SYT7: variants seen among roughly 807,000 people sequenced by gnomAD.
The protein encoded by SYT7 is synaptotagmin-7.
A neutral mutation model predicts 75.1 loss-of-function variants in SYT7; 29 were observed. That is an observed-to-expected ratio of 0.39 (90% CI 0.29 to 0.53). The LOEUF is 0.53. SYT7 is among the 20% of genes least tolerant of loss of function. The pLI is 0.77. For missense variants in SYT7, 693 were observed against 953.2 expected, an observed-to-expected ratio of 0.73 and a Z score of 3.59; for synonymous variants, 376 against 401.7, an observed-to-expected ratio of 0.94 and a Z score of 0.76.
intron 1 of SYT7, among the ~76,000 whole-genome samples, chr11:61,568,440 G>A (rs1055911961): frequency 3.3e-5 from 5 of 152,196 alleles, no homozygotes; most frequent in African/African-American, 1.2e-4. Flanking sequence ...TGTATGCCAA[G>A]CACTGTGCTA....
At chr11:61,547,804 C>T (rs139887071) in intron 3 of SYT7, among the ~76,000 whole-genome samples, 12 of 152,294 alleles carry the variant, frequency 7.9e-5, no homozygotes, top group African/African-American at 2.4e-4. Context: ...CTCAGTTTCC[C>T]TGCCTGTCAA....
chr11:61,575,748 C>T (rs904154308), intron 1 of SYT7, among the ~76,000 whole-genome samples: 1 of 152,194 alleles, frequency 6.6e-6, no homozygotes, highest in Non-Finnish European at 1.5e-5. Context: ...CGCACCTCAA[C>T]GCGCCTCGCT....
In SYT7 at chr11:61,538,124, G is replaced by A; in HGVS notation, c.1064+20C>T. 1.5e-5 allele frequency: 23 copies of A among 1,535,700 alleles called. No individual in the cohort carries two copies. Among genetic ancestry groups the A allele is most frequent in the Non-Finnish European group, 1.9e-5 (22 of 1,146,618 alleles). On this transcript the variant is annotated intron_variant, in intron 7 of 12. Transcript: ENST00000539008. ...TCCTTCTCTGCCGCCGCCGCCGCAG[G>A]CCCTCGCCTGTGCTCGTACCTCTTG...
intron 1 of SYT7, among the ~76,000 whole-genome samples, chr11:61,571,576 G>A (rs2063921578): frequency 2.0e-5 from 3 of 152,156 alleles, no homozygotes; most frequent in Admixed American, 1.3e-4. Flanking sequence ...GTCACATCCC[G>A]CACCTGCCGG....
chr11:61,549,626 C>G (rs184192605), intron 3 of SYT7, among the ~76,000 whole-genome samples: 1 of 152,228 alleles, frequency 6.6e-6, no homozygotes, highest in East Asian at 1.9e-4. Context: ...TTTCTGTTCT[C>G]TGGAAAGAAG....
In SYT7 at chr11:61,523,046, G is replaced by A. The variant is rs935421862; in HGVS notation, c.1956+29C>T. 3.1e-6 allele frequency: 5 copies of A among 1,611,188 alleles called. No homozygotes were observed. Among genetic ancestry groups the A allele is most frequent in the Middle Eastern group, 1.8e-4 (1 of 5,610 alleles). The stretch of plus-strand genomic sequence containing the variant: ...AACGGAGCCTCACTGGTGCCAGCAG[G>A]TGCACCACACCACCTGCCTCGCCCC... On this transcript the variant is annotated intron_variant, in intron 12 of 12. Coordinates refer to ENST00000539008, the MANE Select transcript of SYT7 (RefSeq NM_001365809.2). This position sits in a 1 kb window ranked among gnomAD's most constrained non-coding sequence, Gnocchi z 5.0.
At chr11:61,566,627 A>C (rs1471032837) in intron 1 of SYT7, among the ~76,000 whole-genome samples, 3 of 152,192 alleles carry the variant, frequency 2.0e-5, no homozygotes, top group Admixed American at 1.3e-4. Flanking sequence ...AGCCCAAGAA[A>C]GGAGGGGCTC....
intron 7 of SYT7, among the ~76,000 whole-genome samples, chr11:61,537,068 C>T (rs2062889696): frequency 6.6e-6 from 1 of 152,258 alleles, no homozygotes; most frequent in Non-Finnish European, 1.5e-5. Flanking sequence ...TTGCCCAAGG[C>T]TGCAGAATGA....
intron 6 of SYT7, chr11:61,540,255 G>A (rs890271912): frequency 6.5e-6 from 1 of 152,956 alleles, no homozygotes; most frequent in Middle Eastern, 3.1e-3. Context: ...GCAAGGGGTG[G>A]GTGGGATCAT....
chr11:61,524,560 G>C lies in SYT7; in HGVS notation c.1472-28C>G, dbSNP rs1299285023. 1.3e-6 allele frequency: 2 copies of C among 1,540,608 alleles called. No homozygotes were observed. On this transcript the variant is annotated intron_variant, in intron 9 of 12. Transcript: ENST00000539008. The surrounding 1 kb of genome is among the most constrained non-coding windows in gnomAD (Gnocchi z 4.1). The stretch of plus-strand genomic sequence containing the variant: ...GGGGGTATAGATGAGTGTGAGTGAA[G>C]AGGGGGACAGAGGGGCTGCACGGGG...
chr11:61,587,390 G>A, the SYT7 span, among the ~76,000 whole-genome samples: 1 of 152,270 alleles, frequency 6.6e-6, no homozygotes, highest in Non-Finnish European at 1.5e-5. Context: ...GCACAGACAG[G>A]CATGCAGGCC....
At chr11:61,582,692 A>G (rs1362896667), upstream of SYT7, among the ~76,000 whole-genome samples, 2 of 152,192 alleles carry the variant, frequency 1.3e-5, no homozygotes, top group Non-Finnish European at 2.9e-5. Flanking sequence ...TAAGGCCACA[A>G]TTCCTCAGTG....
chr11:61,573,963 G>C (rs148718665), intron 1 of SYT7, among the ~76,000 whole-genome samples: 1 of 152,232 alleles, frequency 6.6e-6, no homozygotes. Flanking sequence ...AGGCGCTAAC[G>C]CATGTTATGT....
At chr11:61,533,412 C>A in intron 7 of SYT7, 2 of 985,418 alleles carry the variant, frequency 2.0e-6, no homozygotes, top group Non-Finnish European at 2.4e-6. Flanking sequence ...AAACCCCCCA[C>A]CCTCCAGTCA....
chr11:61,521,482 C>CT (rs2062330472), intron 12 of SYT7, among the ~76,000 whole-genome samples: 1 of 152,190 alleles, frequency 6.6e-6, no homozygotes, highest in Non-Finnish European at 1.5e-5. Flanking sequence ...CATACTTTTT[C>CT]TGGAGTATGA....
rs145169218 is a variant in SYT7 at position 61,516,230 on chromosome 11, T to A, written c.*2397A>T. The A allele has an allele frequency of 0.03, 4,548 of 152,208 alleles. 125 individuals are homozygous for A. Among genetic ancestry groups the A allele is most frequent in the Non-Finnish European group, 0.041 (2,784 of 68,116 alleles). The allele number at this position is 152,208 out of a possible 1,614,324, so 9.4% of individuals were successfully genotyped here. A position where few individuals can be genotyped will look rare whatever the true frequency, so the allele number is the denominator to read the frequency against. The stretch of plus-strand genomic sequence containing the variant: ...CCTACCCGGCCCTCGGCCCACCGCT[T>A]GCCGCCCCAACATAGCATCCCAGAG... On this transcript the variant is annotated 3_prime_UTR_variant, in exon 13 of 13. Transcript: ENST00000539008. This position sits in a 1 kb window ranked among gnomAD's most constrained non-coding sequence, Gnocchi z 4.6.
intron 7 of SYT7, among the ~76,000 whole-genome samples, chr11:61,534,656 C>T (rs1012328120): frequency 3.9e-5 from 6 of 152,222 alleles, no homozygotes. Context: ...GGGAGACAAA[C>T]TGAAACGGAA....
At chr11:61,545,758 G>A (rs939797923) in intron 5 of SYT7, among the ~76,000 whole-genome samples, 7 of 152,370 alleles carry the variant, frequency 4.6e-5, no homozygotes, top group African/African-American at 1.4e-4. Flanking sequence ...AAATGAAGCT[G>A]CCCTGGGGGC....
At chr11:61,583,707 G>A (rs770240608), upstream of SYT7, among the ~76,000 whole-genome samples, 15 of 152,288 alleles carry the variant, frequency 9.8e-5, no homozygotes, top group Non-Finnish European at 7.4e-5. Flanking sequence ...CTCTCCTCAC[G>A]GGCATTAGAC....
Sources: allele counts gnomAD v4.1 joint callset (sites outside exome capture counted in the v4.1 genomes callset), GRCh38; gene constraint gnomAD v4.1.1; non-coding constraint Gnocchi (gnomAD v3.1); transcripts MANE v1.5; gene names NCBI Gene and HGNC (gene_info 2026-07-23, HGNC 2026-07-21).